LARP1: variants seen among roughly 807,000 people sequenced by gnomAD.
LARP1 encodes La ribonucleoprotein 1, translational regulator.
LARP1 carries 36 observed loss-of-function variants against 122.7 expected under a neutral mutation model. That is an observed-to-expected ratio of 0.29 (90% CI 0.22 to 0.39). The LOEUF (loss-of-function observed/expected upper bound fraction) is 0.39. Ranked by LOEUF, LARP1 falls within the 10% of genes least tolerant of loss-of-function variation. The pLI is 1.00. For missense variants in LARP1, 1,040 were observed against 1,403.6 expected (o/e 0.74, Z 4.14); for synonymous variants, 539 against 528.7 (o/e 1.02, Z -0.27).
At chr5:154,791,134 GTTT>G (rs778607471) in intron 3 of LARP1, among the ~76,000 whole-genome samples, 4 of 116,280 alleles carry the variant, frequency 3.4e-5, no homozygotes, top group Non-Finnish European at 5.4e-5. Flanking sequence ...GTTTTTTGTT[GTTT>G]TTTTTTTTTT....
intron 1 of LARP1, among the ~76,000 whole-genome samples, chr5:154,715,498 T>A (rs750917086): frequency 1.7e-4 from 26 of 151,896 alleles, no homozygotes; most frequent in Non-Finnish European, 3.1e-4. Context: ...CCGCCTCGGC[T>A]TCTCAAAGTG....
intron 1 of LARP1, among the ~76,000 whole-genome samples, chr5:154,775,075 A>T (rs1582371303): frequency 6.6e-6 from 1 of 152,266 alleles, no homozygotes; most frequent in East Asian, 1.9e-4. Flanking sequence ...TTGGGAAGCC[A>T]GGGCAAGAGG....
chr5:154,706,296 A>AAT (rs1754942303), intron 1 of LARP1, among the ~76,000 whole-genome samples: 1 of 7,842 alleles, frequency 1.3e-4, no homozygotes, highest in African/African-American at 4.0e-4. Flanking sequence ...TTTGTCTCAA[A>AAT]ATAATAATAA....
rs1757562769 is a variant in LARP1, at chr5:154,794,101, C to T, written c.1071C>T (p.Thr357=). 6 of 1,614,018 alleles carry T rather than the reference C, an allele frequency of 3.7e-6. No individual in the cohort carries two copies. Among genetic ancestry groups the T allele is most frequent in the Middle Eastern group, 1.6e-4 (1 of 6,084 alleles). Residue 357 remains threonine (T), a splice_region_variant and synonymous_variant, in exon 7 of 19, where the codon ACC becomes ACT. Transcript: ENST00000518297. ...TCATGGCACCCGTTTCCCCCATAGC[C>T]CATTTTGACTACCAGTTTGGCTACC... ...GRGRGRGGTR[T]HFDYQFGYRK...
intron 1 of LARP1, among the ~76,000 whole-genome samples, chr5:154,685,050 C>T (rs1200733391): frequency 6.6e-6 from 1 of 152,154 alleles, no homozygotes; most frequent in Non-Finnish European, 1.5e-5. Context: ...TCGACACCAG[C>T]CTGACCAACA....
intron 18 of LARP1, among the ~76,000 whole-genome samples, 180 bp downstream of exon 18, chr5:154,811,820 G>A (rs956206556): frequency 9.2e-5 from 14 of 152,152 alleles, no homozygotes; most frequent in Non-Finnish European, 2.9e-5. Flanking sequence ...ATGAAGGCTA[G>A]TTGGAGATAG....
At chr5:154,697,987 G>A (rs959324070) in intron 1 of LARP1, among the ~76,000 whole-genome samples, 6 of 151,630 alleles carry the variant, frequency 4.0e-5, no homozygotes, top group African/African-American at 1.5e-4. Context: ...CACTATACCA[G>A]GCTAATTTTT....
chr5:154,763,855 A>G (rs978194219), intron 1 of LARP1, among the ~76,000 whole-genome samples: 20 of 151,682 alleles, frequency 1.3e-4, no homozygotes, highest in Non-Finnish European at 2.5e-4. Context: ...AAAAAAAAAA[A>G]GTACAAAAAT....
chr5:154,807,995 T>A (rs1366588729), intron 15 of LARP1, among the ~76,000 whole-genome samples: 1 of 152,268 alleles, frequency 6.6e-6, no homozygotes, highest in Non-Finnish European at 1.5e-5. Context: ...TTTGTTTTAA[T>A]GATATTCATT....
At chr5:154,757,209 C>G (rs914527386) in intron 1 of LARP1, 4 of 151,348 alleles carry the variant, frequency 2.6e-5, no homozygotes, top group African/African-American at 9.7e-5. Flanking sequence ...CGGCATGTGA[C>G]TGCCGACCGG....
At chr5:154,786,442 C>G (rs527357032) in intron 1 of LARP1, 2 of 456,138 alleles carry the variant, frequency 4.4e-6, no homozygotes, top group African/African-American at 4.0e-5. Flanking sequence ...GGCTATGGTC[C>G]TCTGGGACAG....
chr5:154,769,763 G>A (rs1012347762), intron 1 of LARP1, among the ~76,000 whole-genome samples: 1 of 152,268 alleles, frequency 6.6e-6, no homozygotes, highest in African/African-American at 2.4e-5. Flanking sequence ...CAGTCTCAGA[G>A]TATAAAGGAG....
At chr5:154,739,621 A>G (rs1209366018) in intron 1 of LARP1, among the ~76,000 whole-genome samples, 2 of 150,366 alleles carry the variant, frequency 1.3e-5, no homozygotes, top group African/African-American at 4.9e-5. Context: ...CTGATCTCAC[A>G]CTCCTGGCCT....
chr5:154,685,838 G>T lies in LARP1; in HGVS notation c.-180+2801G>T, dbSNP rs751079975. ...TTTTTTTTTTAAATTTTAGAGACGG[G>T]GTCTTGCTCTGTTGCCAGGCTTTGT... On this transcript the variant is annotated intron_variant, in intron 1 of 18. Coordinates refer to the LARP1 transcript ENST00000687700. The T allele has an allele frequency of 5.9e-6, 3 of 512,640 alleles. No individual in the cohort carries two copies. The East Asian group carries it at 1.7e-4, about 29-fold the overall frequency. 31.8% of individuals were successfully genotyped at this position (512,640 alleles called of 1,614,324 possible). A position where few individuals can be genotyped will look rare whatever the true frequency, so the allele number is the denominator to read the frequency against.
upstream of LARP1, among the ~76,000 whole-genome samples, chr5:154,753,778 C>T (rs2113525817): frequency 6.6e-6 from 1 of 152,324 alleles, no homozygotes; most frequent in South Asian, 2.1e-4. Flanking sequence ...CATGGCATTA[C>T]CTGGCTATCC....
intron 1 of LARP1, among the ~76,000 whole-genome samples, chr5:154,739,877 C>A (rs1485059878): frequency 6.6e-6 from 1 of 152,126 alleles, no homozygotes; most frequent in Non-Finnish European, 1.5e-5. Flanking sequence ...ACAAACCATT[C>A]CAGAGAACCT....
At chr5:154,687,957 C>T (rs1459142905) in intron 1 of LARP1, among the ~76,000 whole-genome samples, 1 of 152,132 alleles carries the variant, frequency 6.6e-6, no homozygotes, top group Non-Finnish European at 1.5e-5. Flanking sequence ...CCTCTAGTGG[C>T]AGAAGTGAGT....
chr5:154,777,899 A>C (rs1561593180), intron 1 of LARP1, among the ~76,000 whole-genome samples: 1 of 152,180 alleles, frequency 6.6e-6, no homozygotes. Flanking sequence ...TTATAATCTT[A>C]CGGGACCAAC....
intron 1 of LARP1, among the ~76,000 whole-genome samples, chr5:154,774,444 A>C (rs548953258): frequency 3.9e-5 from 6 of 152,166 alleles, no homozygotes; most frequent in African/African-American, 1.4e-4. Context: ...CTGGGAGCCA[A>C]ATTCCCTCGA....
Sources: allele counts gnomAD v4.1 joint callset (sites outside exome capture counted in the v4.1 genomes callset), GRCh38; gene constraint gnomAD v4.1.1; transcripts MANE v1.5; gene names NCBI Gene and HGNC (gene_info 2026-07-23, HGNC 2026-07-21).